The following GRID2 variants were observed in gnomAD, a reference collection of about 807,000 sequenced individuals.
The protein encoded by GRID2 is glutamate ionotropic receptor delta type subunit 2, also known as glutamate receptor ionotropic, delta-2.
Under a neutral mutation model 114.8 loss-of-function variants are expected in GRID2, and 33 were observed. The ratio of observed to expected loss-of-function variants is 0.29; its 90% CI spans 0.22 to 0.38. GRID2 has a LOEUF of 0.38. Ranked by LOEUF, GRID2 falls within the 10% of genes least tolerant of loss-of-function variation. The pLI is 1.00. For synonymous variants in GRID2, 505 were observed against 449.9 expected (o/e 1.12, Z -1.55); for missense variants, 1,184 against 1,257.7 (o/e 0.94, Z 0.89).
At chr4:93,335,258 A>G (rs943780679) in intron 8 of GRID2, among the ~76,000 whole-genome samples, 10 of 152,208 alleles carry the variant, frequency 6.6e-5, no homozygotes, top group Non-Finnish European at 1.3e-4. Context: ...TCAGAGGTAA[A>G]GTCAATGATC....
intron 13 of GRID2, among the ~76,000 whole-genome samples, chr4:93,597,237 G>T (rs1739197587): frequency 6.6e-6 from 1 of 152,074 alleles, no homozygotes; most frequent in South Asian, 2.1e-4. Context: ...TTAACAAATT[G>T]AAAATTAATT....
At chr4:92,584,761 C>A (rs1322364149) in intron 1 of GRID2, among the ~76,000 whole-genome samples, 1 of 151,542 alleles carries the variant, frequency 6.6e-6, no homozygotes, top group East Asian at 1.9e-4. Context: ...ATATAGCCAC[C>A]ATAAAAAAAA....
intron 4 of GRID2, among the ~76,000 whole-genome samples, chr4:93,168,250 G>T (rs989027524): frequency 2.0e-5 from 3 of 150,232 alleles, no homozygotes; most frequent in Non-Finnish European, 3.0e-5. Flanking sequence ...GAAAAGGAAA[G>T]GAAAGGGGAA....
At chr4:93,118,770 A>C (rs1182372070) in intron 4 of GRID2, among the ~76,000 whole-genome samples, 5 of 152,184 alleles carry the variant, frequency 3.3e-5, no homozygotes, top group Admixed American at 3.3e-4. Flanking sequence ...AGAGAAACTA[A>C]AGGTTATGAT....
At chr4:93,132,856 G>A (rs1734929947) in intron 4 of GRID2, among the ~76,000 whole-genome samples, 1 of 152,146 alleles carries the variant, frequency 6.6e-6, no homozygotes. Flanking sequence ...CGCTCAACTG[G>A]TGCTCAACTT....
At chr4:92,847,917 G>A (rs1189685449) in intron 2 of GRID2, among the ~76,000 whole-genome samples, 3 of 151,868 alleles carry the variant, frequency 2.0e-5, no homozygotes, top group Non-Finnish European at 4.4e-5. Flanking sequence ...GTGCATTTGT[G>A]CATTCAGTGT....
chr4:93,630,224 T>G (rs1162467422), intron 14 of GRID2, among the ~76,000 whole-genome samples: 2 of 151,990 alleles, frequency 1.3e-5, no homozygotes, highest in Non-Finnish European at 1.5e-5. Flanking sequence ...TGTGCGTGAG[T>G]GTGGTAAGTA....
intron 14 of GRID2, among the ~76,000 whole-genome samples, chr4:93,768,324 G>A (rs917415370): frequency 3.9e-5 from 6 of 152,148 alleles, no homozygotes; most frequent in Non-Finnish European, 4.4e-5. Flanking sequence ...CTTGCCCTGT[G>A]AAAAAGGGCA....
At chr4:92,820,968 A>G (rs957241179) in intron 2 of GRID2, among the ~76,000 whole-genome samples, 2 of 152,104 alleles carry the variant, frequency 1.3e-5, no homozygotes, top group Non-Finnish European at 2.9e-5. Context: ...TCTCTAATAT[A>G]TATACTTAAG....
intron 2 of GRID2, among the ~76,000 whole-genome samples, chr4:92,908,391 T>G (rs1748115291): frequency 6.6e-6 from 1 of 152,122 alleles, no homozygotes; most frequent in African/African-American, 2.4e-5. Flanking sequence ...ATTAGAGTTC[T>G]TATTTTGTAG....
intron 2 of GRID2, among the ~76,000 whole-genome samples, chr4:92,921,817 C>A (rs2149507027): frequency 6.6e-6 from 1 of 152,340 alleles, no homozygotes; most frequent in East Asian, 1.9e-4. Flanking sequence ...AGGAGGCAGT[C>A]TGTCTGTTCT....
Position 93,336,061 on chromosome 4 carries a change from C to T in GRID2, c.1246-59546C>T, listed in dbSNP as rs539332711. ...GACAATTACAAAAAATAATATAACA[C>T]ATATCTATATATTTGCCACCAAGTT... On this transcript the variant is annotated intron_variant, in intron 8 of 15. Coordinates refer to ENST00000282020, the MANE Select transcript of GRID2 (RefSeq NM_001510.4). Among the ~76,000 whole-genome samples, 12 of 152,188 alleles carry T rather than the reference C, an allele frequency of 7.9e-5. No individual in the cohort carries two copies. In the South Asian group the frequency reaches 2.5e-3, roughly 32 times the overall value.
chr4:92,337,636 GA>G (rs1233891996), intron 1 of GRID2, among the ~76,000 whole-genome samples: 1 of 152,124 alleles, frequency 6.6e-6, no homozygotes, highest in Non-Finnish European at 1.5e-5. Context: ...AAACACTTAT[GA>G]AACCATCAGA....
At chr4:92,708,880 G>A (rs536999434) in intron 2 of GRID2, among the ~76,000 whole-genome samples, 1 of 152,210 alleles carries the variant, frequency 6.6e-6, no homozygotes, top group East Asian at 1.9e-4. Context: ...TCACACCATT[G>A]CAGTCTAGCC....
chr4:92,423,888 G>T (rs1430206262), intron 1 of GRID2, among the ~76,000 whole-genome samples: 3 of 152,070 alleles, frequency 2.0e-5, no homozygotes, highest in East Asian at 1.9e-4. Flanking sequence ...TAGTCAAATT[G>T]TTAGAAGATT....
chr4:92,719,224 T>C (rs1201173694), intron 2 of GRID2, among the ~76,000 whole-genome samples: 1 of 152,098 alleles, frequency 6.6e-6, no homozygotes, highest in East Asian at 1.9e-4. Context: ...TGAACTGAGA[T>C]GATCCACTCG....
chr4:92,949,085 C>T (rs1309743011), intron 2 of GRID2, among the ~76,000 whole-genome samples: 1 of 149,676 alleles, frequency 6.7e-6, no homozygotes, highest in African/African-American at 2.5e-5. Flanking sequence ...AAGAAGACAA[C>T]CAAAAAAGAT....
chr4:92,351,738 A>G (rs938935629), intron 1 of GRID2, among the ~76,000 whole-genome samples: 3 of 151,878 alleles, frequency 2.0e-5, no homozygotes, highest in African/African-American at 4.8e-5. Context: ...TGGCCTCCAC[A>G]TATGAGTAAG....
intron 1 of GRID2, among the ~76,000 whole-genome samples, chr4:92,427,128 A>G (rs148532839): frequency 9.5e-4 from 144 of 152,282 alleles, no homozygotes; most frequent in Non-Finnish European, 1.3e-3. Flanking sequence ...CTAACTTCCT[A>G]TACTCTGATC....
Sources: gnomAD v4.1 joint callset for allele counts (sites outside exome capture counted in the v4.1 genomes callset) on GRCh38, gnomAD v4.1.1 for gene constraint, MANE v1.5 for transcripts, NCBI Gene and HGNC (gene_info 2026-07-23, HGNC 2026-07-21) for gene names.